Variants in TRPM2 observed in about 807,000 individuals in gnomAD.
TRPM2 encodes estrogen-responsive element-associated gene 1 protein.
In TRPM2, 161 loss-of-function variants were observed where a neutral mutation model predicts 174.0. The observed-to-expected ratio is 0.93, with a 90% confidence interval of 0.81 to 1.05. The LOEUF (loss-of-function observed/expected upper bound fraction) is 1.05, where lower values mean the gene tolerates loss of function less well. Ranked by LOEUF, TRPM2 falls within the 50% of genes least tolerant of loss-of-function variation. The pLI is 0.00. For synonymous variants in TRPM2, 954 were observed against 861.3 expected, an observed-to-expected ratio of 1.11 and a Z score of -1.88; for missense variants, 2,057 against 2,038.0, an observed-to-expected ratio of 1.01 and a Z score of -0.18.
In TRPM2 at chr21:44,379,069, A is replaced by G; in HGVS notation, c.1087A>G (p.Ile363Val). The change falls in exon 8 of 32, where the codon ATT (isoleucine) becomes GTT (valine). Residue 363 changes from isoleucine to valine, a missense_variant. Transcript: ENST00000397928. ...VEGSGRVADVIAQVANLPVSD... is the reference protein window; with the variant it reads ...VEGSGRVADVVAQVANLPVSD... Reference sequence around the variant, plus strand: ...GGGCTCGGGCCGCGTGGCCGACGTCATTGCCCAGGTGGCCAACCTGCCTGT... The same window carrying G: ...GGGCTCGGGCCGCGTGGCCGACGTCGTTGCCCAGGTGGCCAACCTGCCTGT... 2 of 1,612,728 alleles carry G rather than the reference A, an allele frequency of 1.2e-6. No individual in the cohort carries two copies. The highest frequency in any genetic ancestry group is 1.3e-5 in the African/African-American group (1 of 75,040).
At chr21:44,424,995 T>C in intron 24 of TRPM2, 56 bp downstream of exon 24, 1 of 1,466,062 alleles carries the variant, frequency 6.8e-7, no homozygotes. Context: ...CTTTTGGGTC[T>C]GGGGTCAGTT....
intron 16 of TRPM2, among the ~76,000 whole-genome samples, chr21:44,404,817 A>T (rs1212704960): frequency 6.9e-6 from 1 of 144,530 alleles, no homozygotes; most frequent in Non-Finnish European, 1.5e-5. Context: ...TGATGGTGAC[A>T]GCAAGGGTAG....
In TRPM2 at chr21:44,437,173, G is replaced by C. The variant is rs1293167371; in HGVS notation, c.4167+6G>C. 1 of 1,550,496 alleles carries C rather than the reference G, an allele frequency of 6.4e-7. No individual in the cohort carries two copies. Among genetic ancestry groups the C allele is most frequent in the South Asian group, 1.2e-5 (1 of 84,034 alleles). On this transcript the variant is annotated splice_donor_region_variant and intron_variant, in intron 29 of 31. Transcript: ENST00000397928. The stretch of plus-strand genomic sequence containing the variant: ...AGCACTGGGCCCTGCCTGGGGTAAG[G>C]CTGCCGCGTGTGGGACCTCTGTCCA...
intron 22 of TRPM2, chr21:44,423,386 C>T: frequency 2.0e-6 from 1 of 489,234 alleles, no homozygotes. Flanking sequence ...CTCCCCCTCT[C>T]TCCTGGGACC....
At chr21:44,424,454 C>G (rs2050676818) in intron 23 of TRPM2, among the ~76,000 whole-genome samples, 2 of 152,226 alleles carry the variant, frequency 1.3e-5, no homozygotes, top group Admixed American at 1.3e-4. Context: ...TCTGGGGAGG[C>G]TCCTCCTGGG....
Position 44,441,813 on chromosome 21 carries a change from A to G in TRPM2, c.4508A>G (p.Tyr1503Cys), listed in dbSNP as rs368940698. ...QKAAAEFGAH[Y>C] is the part of the protein sequence containing the mutation. Reference sequence around the variant, plus strand: ...GCAGCCGCTGAGTTCGGGGCTCACTACTGACTGTGCCCTCAGGCTGGGCGG... The same window carrying G: ...GCAGCCGCTGAGTTCGGGGCTCACTGCTGACTGTGCCCTCAGGCTGGGCGG... The change falls in exon 32 of 32, where the codon TAC becomes TGC. Residue 1503 changes from tyrosine to cysteine, a missense_variant. Transcript: ENST00000397928. The G allele has an allele frequency of 1.1e-5, 17 of 1,603,690 alleles. No homozygotes were observed. The African/African-American group carries it at 2.0e-4, about 19-fold the overall frequency.
At chr21:44,368,047 G>C (rs1337077311) in intron 4 of TRPM2, among the ~76,000 whole-genome samples, 1 of 152,156 alleles carries the variant, frequency 6.6e-6, no homozygotes, top group Non-Finnish European at 1.5e-5. Flanking sequence ...CTTGTTGTCC[G>C]CTTCCTGGCC....
At chr21:44,392,456 G>A (rs1435091393) in intron 11 of TRPM2, among the ~76,000 whole-genome samples, 2 of 151,062 alleles carry the variant, frequency 1.3e-5, no homozygotes, top group African/African-American at 2.4e-5. Flanking sequence ...TGTTGAGATG[G>A]GGTCTCATTA....
At chr21:44,355,108 G>A (rs924358091) in intron 2 of TRPM2, among the ~76,000 whole-genome samples, 4 of 152,174 alleles carry the variant, frequency 2.6e-5, no homozygotes, top group Non-Finnish European at 5.9e-5. Flanking sequence ...CCAGGAACTG[G>A]AAGGGCCTTA....
intron 11 of TRPM2, among the ~76,000 whole-genome samples, chr21:44,393,811 G>A (rs1318630167): frequency 6.7e-6 from 1 of 148,870 alleles, no homozygotes; most frequent in South Asian, 2.1e-4. Context: ...TTTTCCAATC[G>A]ATCCATTGTT....
chr21:44,360,064 GTTAT>G (rs901572666), intron 2 of TRPM2, among the ~76,000 whole-genome samples: 22 of 151,998 alleles, frequency 1.4e-4, no homozygotes, highest in Non-Finnish European at 2.6e-4. Flanking sequence ...ACTTTTCTAG[GTTAT>G]TTGTTACCAG....
intron 16 of TRPM2, among the ~76,000 whole-genome samples, chr21:44,402,320 A>G (rs2049647931): frequency 1.3e-5 from 2 of 152,312 alleles, no homozygotes; most frequent in East Asian, 1.9e-4. Flanking sequence ...TTATTAAGCA[A>G]CAGTCTACAG....
Position 44,432,662 on chromosome 21 carries a change from G to A in TRPM2, c.3975-2469G>A, listed in dbSNP as rs546239031. 7.2e-5 allele frequency among the ~76,000 whole-genome samples: 11 copies of A among 152,206 alleles called. No homozygotes were observed. The highest frequency in any genetic ancestry group is 2.4e-4 in the African/African-American group (10 of 41,516). On this transcript the variant is annotated intron_variant, in intron 27 of 31. Transcript: ENST00000397928. This position sits in a 1 kb window ranked among gnomAD's most constrained non-coding sequence, Gnocchi z 4.9. ...ACATAAACTAAACAAGCCCCTGCCC[G>A]CAAGTCCCTTCCTCTTTCGAATCCA...
At chr21:44,352,378 C>G (rs1319440051), upstream of TRPM2, among the ~76,000 whole-genome samples, 3 of 152,228 alleles carry the variant, frequency 2.0e-5, no homozygotes, top group African/African-American at 7.2e-5. Context: ...CGCCCCAGGA[C>G]AGCAGCCCGT....
intron 19 of TRPM2, among the ~76,000 whole-genome samples, chr21:44,409,100 C>G (rs779032600): frequency 1.5e-4 from 23 of 152,070 alleles, no homozygotes; most frequent in Non-Finnish European, 2.8e-4. Flanking sequence ...TGTGCACTGA[C>G]TTGTTATTTT....
rs534410620 is a variant in TRPM2, at chr21:44,436,337, G to A, written c.4062-725G>A. ...TCCACAGCTGGGACCTCCCCCCAGC[G>A]GAGGGGCCTTTGGCCTCAGGGTCCT... On this transcript the variant is annotated intron_variant, in intron 28 of 31. Transcript: ENST00000397928. 1.5e-4 allele frequency among the ~76,000 whole-genome samples: 23 copies of A among 152,212 alleles called. No individual in the cohort carries two copies. In the East Asian group the frequency reaches 2.9e-3, roughly 19 times the overall value.
intron 19 of TRPM2, among the ~76,000 whole-genome samples, chr21:44,409,899 T>A (rs2050041018): frequency 6.6e-6 from 1 of 151,056 alleles, no homozygotes; most frequent in Non-Finnish European, 1.5e-5. Flanking sequence ...TTGACCGCAC[T>A]GTCTTGGCGT....
chr21:44,423,233 C>A, intron 22 of TRPM2: 1 of 217,438 alleles, frequency 4.6e-6, no homozygotes, highest in Non-Finnish European at 9.4e-6. Context: ...TCCACGACCC[C>A]CACAAAATAA....
chr21:44,426,572 C>G (rs546238897), intron 25 of TRPM2, 88 bp from the exon 26 acceptor site: 3 of 1,395,774 alleles, frequency 2.1e-6, no homozygotes, highest in Non-Finnish European at 3.1e-6. Flanking sequence ...GGGTTCAGAC[C>G]CAGCTGAGCA....
Sources: allele counts gnomAD v4.1 joint callset (sites outside exome capture counted in the v4.1 genomes callset), GRCh38; gene constraint gnomAD v4.1.1; non-coding constraint Gnocchi (gnomAD v3.1); transcripts MANE v1.5; gene names NCBI Gene and HGNC (gene_info 2026-07-23, HGNC 2026-07-21).